The following MELTF variants were observed in gnomAD, a reference collection of about 807,000 sequenced individuals.
The protein encoded by MELTF is melanotransferrin, also known as antigen p97 (melanoma associated) identified by monoclonal antibodies 133.2 and 96.5.
A neutral mutation model predicts 83.7 loss-of-function variants in MELTF; 67 were observed. That is an observed-to-expected ratio of 0.80 (90% confidence interval 0.66 to 0.98). MELTF has a LOEUF of 0.98. MELTF is among the 50% of genes least tolerant of loss of function. The pLI, the probability that MELTF is intolerant of heterozygous loss-of-function variation, is 0.00. For synonymous variants in MELTF, 462 were observed against 447.6 expected, an observed-to-expected ratio of 1.03 and a Z score of -0.41; for missense variants, 1,002 against 1,035.6, an observed-to-expected ratio of 0.97 and a Z score of 0.44.
At position 197,015,407 on chromosome 3, in the gene MELTF, G is replaced by A. The variant is rs138362922; in HGVS notation, c.1191C>T (p.Cys397=). Residue 397 remains cysteine, a synonymous_variant, in exon 9 of 16, where the codon TGC becomes TGT. Coordinates refer to ENST00000296350, the MANE Select transcript of MELTF (RefSeq NM_005929.6). ...RRQRLKPEIQ[C]VSAKSPQHCM... ...AGTGTTGGGGGGACTTGGCTGACAC[G>A]CACTGGATCTCTGGCTTGAGCCGCT... 5.5e-5 allele frequency: 88 copies of A among 1,586,974 alleles called. No homozygotes were observed. In the East Asian group the frequency reaches 1.1e-3, roughly 19 times the overall value.
chr3:197,020,350 A>C (rs928800615), intron 6 of MELTF, among the ~76,000 whole-genome samples: 3 of 152,230 alleles, frequency 2.0e-5, no homozygotes, highest in Non-Finnish European at 4.4e-5. Flanking sequence ...ACTGGATAAC[A>C]GGATTGTATC....
chr3:197,026,436 T>C (rs1577948912), intron 3 of MELTF: 1 of 564,294 alleles, frequency 1.8e-6, no homozygotes, highest in East Asian at 2.9e-5. Flanking sequence ...AGGGGGCTGC[T>C]GGGCTCCCTG....
chr3:197,004,535 G>A (rs990271547), intron 14 of MELTF: 2 of 211,452 alleles, frequency 9.5e-6, no homozygotes, highest in Non-Finnish European at 1.9e-5. Context: ...AGGGACTTGT[G>A]TTCTGCAACC....
chr3:197,029,770 G>C lies in MELTF; in HGVS notation c.-68C>G. 9.1e-7 allele frequency: 1 copy of C among 1,096,208 alleles called. No individual in the cohort carries two copies. 67.9% of individuals were successfully genotyped at this position (1,096,208 alleles called of 1,614,324 possible). On this transcript the variant is annotated 5_prime_UTR_variant, in exon 1 of 16. Transcript: ENST00000296350. The surrounding 1 kb of genome is among the most constrained non-coding windows in gnomAD (Gnocchi z 6.5). ...GGGTCCGAGGAGGTCCGCAGCAGCC[G>C]GGCTTCCTCCCTGCTCCCCCTCGCG...
rs923602834 is a variant in MELTF at position 197,022,231 on chromosome 3, G to A, written c.644+726C>T. Among the ~76,000 whole-genome samples the A allele has an allele frequency of 1.3e-5, 2 of 152,166 alleles. No individual in the cohort carries two copies. The highest frequency in any genetic ancestry group is 2.9e-5 in the Non-Finnish European group (2 of 68,028). ...GGGCAGAAAATGCACAGGGATTAGA[G>A]CAGATCGGGGCGGGCGACATCAGGA... On this transcript the variant is annotated intron_variant, in intron 5 of 15. Coordinates refer to ENST00000296350, the MANE Select transcript of MELTF (RefSeq NM_005929.6). The surrounding 1 kb of genome is among the most constrained non-coding windows in gnomAD (Gnocchi z 5.1).
chr3:197,027,651 C>T, intron 2 of MELTF, 105 bp downstream of exon 2: 1 of 1,372,060 alleles, frequency 7.3e-7, no homozygotes, highest in Non-Finnish European at 9.8e-7. Context: ...ATCGGCCGGG[C>T]CTGGCAGGGC....
Position 197,003,717 on chromosome 3 carries a change from C to T in MELTF, c.2137+184G>A, listed in dbSNP as rs1351872755. On this transcript the variant is annotated intron_variant, in intron 15 of 15. Coordinates refer to ENST00000296350, the MANE Select transcript of MELTF (RefSeq NM_005929.6). The surrounding 1 kb of genome is among the most constrained non-coding windows in gnomAD (Gnocchi z 6.2). The stretch of plus-strand genomic sequence containing the variant: ...ACCCAGGTCCGTCTGGGAGACCCGC[C>T]GGGCTCCCGCCCTCCCGGCCCGCAG... 2.8e-6 allele frequency: 2 copies of T among 719,538 alleles called. No individual in the cohort carries two copies. The highest frequency in any genetic ancestry group is 4.5e-6 in the Non-Finnish European group (2 of 445,656). The allele number at this position is 719,538 out of a possible 1,614,324, so 44.6% of individuals were successfully genotyped here.
intron 14 of MELTF, 64 bp from the exon 15 acceptor site, chr3:197,004,163 G>A: frequency 6.7e-7 from 1 of 1,482,132 alleles, no homozygotes; most frequent in Admixed American, 1.7e-5. Flanking sequence ...CCCGCCCAGT[G>A]CCGCTAGCTG....
At position 197,003,952 on chromosome 3, in the gene MELTF, C is replaced by G; in HGVS notation, c.2086G>C (p.Asp696His). Residue 696 changes from aspartate to histidine, a missense_variant, in exon 15 of 16, where the codon GAC (aspartate) becomes CAC (histidine). Coordinates refer to ENST00000296350, the MANE Select transcript of MELTF (RefSeq NM_005929.6). This position sits in a 1 kb window ranked among gnomAD's most constrained non-coding sequence, Gnocchi z 6.2. Reference protein sequence around the residue: ...KTTYRGWLGLDYVAALEGMSS... With the variant: ...KTTYRGWLGLHYVAALEGMSS... ...ATCCCTTCCAGCGCCGCCACGTAGT[C>G]CAGCCCCAGCCAGCCGCGGTAGGTG... 6.2e-7 allele frequency: 1 copy of G among 1,614,122 alleles called. No individual in the cohort carries two copies. The highest frequency in any genetic ancestry group is 8.5e-7 in the Non-Finnish European group (1 of 1,180,024).
At chr3:197,015,327 C>T (rs187278185) in intron 9 of MELTF, 38 bp downstream of exon 9, 100 of 1,532,454 alleles carry the variant, frequency 6.5e-5, no homozygotes, top group Non-Finnish European at 7.6e-5. Flanking sequence ...TGCCACCACC[C>T]GCCCACCTGG....
rs1211598137 is a variant in MELTF, at chr3:197,010,748, G to A, written c.1280C>T (p.Thr427Met). Reference sequence around the variant, plus strand: ...AACCAGGCCGTACGTCTTCCCCGCCGTGTAAATGTCCTCGCCACTCAGGGT... The same window carrying A: ...AACCAGGCCGTACGTCTTCCCCGCCATGTAAATGTCCTCGCCACTCAGGGT... ...AVTLSGEDIYTAGKTYGLVPA... is the reference protein window; with the variant it reads ...AVTLSGEDIYMAGKTYGLVPA... The change falls in exon 10 of 16, where the codon ACG becomes ATG. Residue 427 changes from threonine (T) to methionine (M), a missense_variant. Transcript: ENST00000296350. The A allele has an allele frequency of 6.2e-6, 10 of 1,613,574 alleles. No homozygotes were observed. The East Asian group carries it at 1.3e-4, about 22-fold the overall frequency.
Position 197,006,023 on chromosome 3 carries a change from A to G in MELTF, c.1938+526T>C, listed in dbSNP as rs1236396195. Among the ~76,000 whole-genome samples, 1 of 152,162 alleles carries G rather than the reference A, an allele frequency of 6.6e-6. No individual in the cohort carries two copies. Among genetic ancestry groups the G allele is most frequent in the Admixed American group, 6.5e-5 (1 of 15,278 alleles). ...ATCACGAGGTCAGGAGATCGAGACC[A>G]TCCTGGCTAACACGGTGAAACCCCT... On this transcript the variant is annotated intron_variant, in intron 14 of 15. Coordinates refer to ENST00000296350, the MANE Select transcript of MELTF (RefSeq NM_005929.6). This position sits in a 1 kb window ranked among gnomAD's most constrained non-coding sequence, Gnocchi z 5.4.
rs578243651 is a variant in MELTF, at chr3:197,020,450, C to T, written c.712+954G>A. ...ATACCAAAGTATTCAAGGGGTATGA[C>T]ATAGGCAAATGTACTCTCAAATGGG... On this transcript the variant is annotated intron_variant, in intron 6 of 15. Transcript: ENST00000296350. 3.3e-5 allele frequency among the ~76,000 whole-genome samples: 5 copies of T among 152,112 alleles called. No individual in the cohort carries two copies. The South Asian group carries it at 1.0e-3, about 32-fold the overall frequency.
intron 3 of MELTF, chr3:197,026,439 G>A (rs1215697414): frequency 1.6e-5 from 9 of 564,358 alleles, no homozygotes; most frequent in Middle Eastern, 8.9e-4. Flanking sequence ...GGGCTGCTGG[G>A]CTCCCTGCGG....
chr3:197,008,524 G>C lies in MELTF; in HGVS notation c.1750+133C>G. 1 of 999,760 alleles carries C rather than the reference G, an allele frequency of 1.0e-6. No homozygotes were observed. Among genetic ancestry groups the C allele is most frequent in the Non-Finnish European group, 1.5e-6 (1 of 682,302 alleles). The allele number at this position is 999,760 out of a possible 1,614,324, so 61.9% of individuals were successfully genotyped here. A position where few individuals can be genotyped will look rare whatever the true frequency, so the allele number is the denominator to read the frequency against. On this transcript the variant is annotated intron_variant, in intron 13 of 15. Coordinates refer to ENST00000296350, the MANE Select transcript of MELTF (RefSeq NM_005929.6). The surrounding 1 kb of genome is among the most constrained non-coding windows in gnomAD (Gnocchi z 5.4). ...GACCCTTGGGGCTCCCAGCTTCCCA[G>C]GGGGCACAGCCTTCTAGACTCAGCC... is the stretch of plus-strand genomic sequence containing the variant.
At chr3:197,016,151 G>A in intron 8 of MELTF, 38 bp downstream of exon 8, 2 of 1,472,284 alleles carry the variant, frequency 1.4e-6, no homozygotes, top group East Asian at 2.5e-5. Flanking sequence ...AGGTTGAGCT[G>A]GGCTGGAGCT....
In MELTF at chr3:197,003,953, C is replaced by T. The variant is rs1250483942; in HGVS notation, c.2085G>A (p.Leu695=). ...TCCCTTCCAGCGCCGCCACGTAGTC[C>T]AGCCCCAGCCAGCCGCGGTAGGTGG... is the stretch of plus-strand genomic sequence containing the variant. ...EKTTYRGWLG[L]DYVAALEGMS... is the part of the protein sequence containing the mutation. Residue 695 remains leucine (L), a synonymous_variant, in exon 15 of 16, where the codon CTG becomes CTA. Transcript: ENST00000296350. The surrounding 1 kb of genome is among the most constrained non-coding windows in gnomAD (Gnocchi z 6.2). 2.5e-6 allele frequency: 4 copies of T among 1,613,980 alleles called. No homozygotes were observed. The highest frequency in any genetic ancestry group is 3.4e-6 in the Non-Finnish European group (4 of 1,180,030).
chr3:197,010,546 TGGGGCAGGA>T (rs1346157679), intron 10 of MELTF, 143 bp downstream of exon 10: 2 of 646,080 alleles, frequency 3.1e-6, no homozygotes, highest in African/African-American at 1.8e-5. Flanking sequence ...AACTGAGGCC[TGGGGCAGGA>T]GGGGCAGGCC....
chr3:197,026,731 T>C lies in MELTF; in HGVS notation c.233A>G (p.Asp78Gly), dbSNP rs1344000154. 5 of 1,613,100 alleles carry C rather than the reference T, an allele frequency of 3.1e-6. No homozygotes were observed. The highest frequency in any genetic ancestry group is 4.2e-6 in the Non-Finnish European group (5 of 1,179,998). Residue 78 changes from aspartate (D) to glycine (G), a missense_variant, in exon 3 of 16, where the codon GAT becomes GGT. By Grantham distance (94) the Asp-to-Gly change is moderately conservative. Coordinates refer to ENST00000296350, the MANE Select transcript of MELTF (RefSeq NM_005929.6). ...TCCCGCCTCATAGATGGCTCCTCCA[T>C]CCAGAGTGATGGCGTCAGCCTCCTG... is the stretch of plus-strand genomic sequence containing the variant. ...AAQEADAITLDGGAIYEAGKE... is the reference protein window; with the variant it reads ...AAQEADAITLGGGAIYEAGKE...
Sources: allele counts gnomAD v4.1 joint callset (sites outside exome capture counted in the v4.1 genomes callset), GRCh38; gene constraint gnomAD v4.1.1; non-coding constraint Gnocchi (gnomAD v3.1); transcripts MANE v1.5; gene names NCBI Gene and HGNC (gene_info 2026-07-23, HGNC 2026-07-21).